The following AGBL1 variants were observed in gnomAD, a reference collection of about 807,000 sequenced individuals.
AGBL1 encodes AGBL carboxypeptidase 1.
In AGBL1, 130 loss-of-function variants were observed where a neutral mutation model predicts 118.9. The observed-to-expected ratio is 1.09, with a 90% CI of 0.95 to 1.26. The LOEUF is 1.26. Ranked by LOEUF, AGBL1 falls within the 50% of genes most tolerant of loss-of-function variation. AGBL1 has a pLI of 0.00. For synonymous variants in AGBL1, 555 were observed against 478.9 expected (o/e 1.16, Z -2.08); for missense variants, 1,584 against 1,298.1 (o/e 1.22, Z -3.38).
intron 5 of AGBL1, among the ~76,000 whole-genome samples, chr15:86,163,002 T>C (rs890815510): frequency 5.3e-5 from 8 of 152,256 alleles, no homozygotes; most frequent in African/African-American, 1.4e-4. Context: ...ATGCATTCTA[T>C]TGGACTCTGT....
chr15:86,570,509 C>T (rs1206758045), intron 21 of AGBL1, among the ~76,000 whole-genome samples: 1 of 152,126 alleles, frequency 6.6e-6, no homozygotes, highest in Non-Finnish European at 1.5e-5. Flanking sequence ...GTGGGAATTT[C>T]TCAGAATTAT....
intron 24 of AGBL1, among the ~76,000 whole-genome samples, chr15:86,997,297 G>C (rs929891210): frequency 6.6e-6 from 1 of 152,050 alleles, no homozygotes; most frequent in Admixed American, 6.5e-5. Flanking sequence ...ACAGTCACCA[G>C]GTCCTGGCGG....
chr15:86,744,985 TA>T (rs1395552522), intron 22 of AGBL1, among the ~76,000 whole-genome samples: 3 of 152,108 alleles, frequency 2.0e-5, no homozygotes, highest in South Asian at 2.1e-4. Context: ...GGGATAGGGC[TA>T]AAAGCGGGGC....
At chr15:86,959,739 G>A (rs1186502061) in intron 23 of AGBL1, among the ~76,000 whole-genome samples, 3 of 151,616 alleles carry the variant, frequency 2.0e-5, no homozygotes, top group Non-Finnish European at 1.5e-5. Context: ...ATTCATCTCT[G>A]TGCTCATTTG....
intron 6 of AGBL1, among the ~76,000 whole-genome samples, chr15:86,232,126 C>CT (rs902874796): frequency 3.9e-5 from 6 of 152,300 alleles, no homozygotes; most frequent in Middle Eastern, 3.4e-3. Context: ...TGGCACATGG[C>CT]TTTTTTTCCT....
intron 23 of AGBL1, among the ~76,000 whole-genome samples, chr15:86,926,869 G>A (rs918839408): frequency 2.0e-5 from 3 of 152,074 alleles, no homozygotes; most frequent in African/African-American, 7.2e-5. Context: ...GGCCAGGCGC[G>A]GTAGCTCATG....
chr15:86,131,693 A>C (rs891829481), intron 1 of AGBL1, among the ~76,000 whole-genome samples: 22 of 152,068 alleles, frequency 1.4e-4, no homozygotes, highest in African/African-American at 5.3e-4. Context: ...CACGCCTGTA[A>C]ATCCCAGCAC....
intron 21 of AGBL1, among the ~76,000 whole-genome samples, chr15:86,591,395 G>A (rs2084333810): frequency 6.6e-6 from 1 of 152,142 alleles, no homozygotes; most frequent in African/African-American, 2.4e-5. Flanking sequence ...CAAGGGCTCA[G>A]TCCCCAGGAA....
At chr15:86,573,756 A>G (rs755611415) in intron 21 of AGBL1, among the ~76,000 whole-genome samples, 8 of 152,168 alleles carry the variant, frequency 5.3e-5, no homozygotes, top group Non-Finnish European at 1.0e-4. Flanking sequence ...TATGAAGCTT[A>G]TAATTAACTA....
At chr15:86,921,752 C>T (rs2080484057) in intron 23 of AGBL1, among the ~76,000 whole-genome samples, 1 of 152,172 alleles carries the variant, frequency 6.6e-6, no homozygotes, top group African/African-American at 2.4e-5. Context: ...GCTGTAATGT[C>T]AAGGCGCCTG....
chr15:86,821,648 A>C (rs1294085090), intron 22 of AGBL1, among the ~76,000 whole-genome samples: 1 of 152,224 alleles, frequency 6.6e-6, no homozygotes, highest in Non-Finnish European at 1.5e-5. Context: ...TGGATAGTGT[A>C]AACATGCCAA....
At chr15:86,352,965 AAAT>A (rs1260426067) in intron 17 of AGBL1, among the ~76,000 whole-genome samples, 2 of 152,248 alleles carry the variant, frequency 1.3e-5, no homozygotes, top group Non-Finnish European at 2.9e-5. Flanking sequence ...ATGTCAGAAA[AAAT>A]AAAAAGTTTT....
At chr15:86,089,061 T>C (rs1248643619) in intron 1 of AGBL1, among the ~76,000 whole-genome samples, 1 of 152,246 alleles carries the variant, frequency 6.6e-6, no homozygotes, top group Non-Finnish European at 1.5e-5. Flanking sequence ...ACATAATATA[T>C]GTCATTTTGA....
At chr15:86,457,107 T>C (rs1269197435) in intron 18 of AGBL1, among the ~76,000 whole-genome samples, 1 of 152,158 alleles carries the variant, frequency 6.6e-6, no homozygotes, top group Non-Finnish European at 1.5e-5. Flanking sequence ...AATTTAAGAA[T>C]GCACTTCAAA....
chr15:86,689,057 G>A (rs980024590), intron 22 of AGBL1, among the ~76,000 whole-genome samples: 7 of 152,040 alleles, frequency 4.6e-5, no homozygotes, highest in African/African-American at 1.7e-4. Flanking sequence ...CTTTTATATG[G>A]TAAATGGTCA....
chr15:86,090,517 A>G (rs2141462208), intron 1 of AGBL1, among the ~76,000 whole-genome samples: 1 of 152,304 alleles, frequency 6.6e-6, no homozygotes. Context: ...CTTTTCCTGC[A>G]TACCAATGTA....
At chr15:86,945,605 A>G (rs1012285459) in intron 23 of AGBL1, among the ~76,000 whole-genome samples, 1 of 152,154 alleles carries the variant, frequency 6.6e-6, no homozygotes, top group Non-Finnish European at 1.5e-5. Context: ...CCTGGAAGGC[A>G]GAGGTTGCAG....
intron 22 of AGBL1, among the ~76,000 whole-genome samples, chr15:86,744,379 C>T (rs1567152095): frequency 1.3e-5 from 2 of 152,046 alleles, no homozygotes; most frequent in Admixed American, 6.6e-5. Flanking sequence ...GAGCTCCTGC[C>T]GTGCCAACAG....
chr15:86,155,603 T>G, intron 4 of AGBL1, among the ~76,000 whole-genome samples: 1 of 152,224 alleles, frequency 6.6e-6, no homozygotes, highest in Non-Finnish European at 1.5e-5. Flanking sequence ...TGATATGTAA[T>G]GAGCATAGAC....
Sources: allele counts gnomAD v4.1 joint callset (sites outside exome capture counted in the v4.1 genomes callset), GRCh38; gene constraint gnomAD v4.1.1; transcripts MANE v1.5; gene names NCBI Gene and HGNC (gene_info 2026-07-23, HGNC 2026-07-21).